KCNMB1: variants seen among roughly 807,000 people sequenced by gnomAD.
KCNMB1 encodes the protein potassium calcium-activated channel subfamily M regulatory beta subunit 1.
A neutral mutation model predicts 21.7 loss-of-function variants in KCNMB1; 22 were observed. The ratio of observed to expected loss-of-function variants is 1.01; its 90% CI spans 0.72 to 1.45. The LOEUF (loss-of-function observed/expected upper bound fraction) is 1.45, where lower values mean the gene tolerates loss of function less well. KCNMB1 is among the 40% of genes most tolerant of loss of function. The pLI, the probability that KCNMB1 is intolerant of heterozygous loss-of-function variation, is 0.00. For synonymous variants in KCNMB1, 114 were observed against 107.6 expected, an observed-to-expected ratio of 1.06 and a Z score of -0.37; for missense variants, 243 against 243.4, an observed-to-expected ratio of 1.00 and a Z score of 0.01.
rs547685021 is a variant in KCNMB1 at position 170,375,717 on chromosome 5, T to C, written c.*2987A>G. The C allele has an allele frequency of 6.6e-6, 1 of 152,316 alleles. No individual in the cohort carries two copies. The highest frequency in any genetic ancestry group is 1.5e-5 in the Non-Finnish European group (1 of 68,078). 9.4% of individuals were successfully genotyped at this position (152,316 alleles called of 1,614,324 possible). A position where few individuals can be genotyped will look rare whatever the true frequency, so the allele number is the denominator to read the frequency against. On this transcript the variant is annotated 3_prime_UTR_variant, in exon 4 of 4. Transcript: ENST00000274629. ...GAGTCCTAGCCCCTCACTTTACAGA[T>C]GGCCTTGGCCAGTTACCTCTTACAG...
At chr5:170,389,049 C>T (rs1012488467) in intron 1 of KCNMB1, among the ~76,000 whole-genome samples, 1 of 152,154 alleles carries the variant, frequency 6.6e-6, no homozygotes, top group South Asian at 2.1e-4. Flanking sequence ...AGGGCCAGGG[C>T]GCTTACTACC....
intron 3 of KCNMB1, chr5:170,382,936 GAAAC>G: frequency 7.3e-6 from 1 of 137,186 alleles, no homozygotes; most frequent in Non-Finnish European, 1.6e-5. Context: ...AGGAAAGAAG[GAAAC>G]AAGGAAGGAA....
intron 3 of KCNMB1, 62 bp from the exon 4 acceptor site, chr5:170,379,035 G>A: frequency 6.4e-7 from 1 of 1,560,120 alleles, no homozygotes; most frequent in Non-Finnish European, 8.7e-7. Context: ...CCAAGGGCTT[G>A]ATATGGAGTA....
intron 1 of KCNMB1, among the ~76,000 whole-genome samples, chr5:170,386,469 A>C (rs891347074): frequency 4.6e-5 from 7 of 152,144 alleles, no homozygotes; most frequent in African/African-American, 1.4e-4. Context: ...TTGCTACAAC[A>C]GTCATAGGTC....
intron 2 of KCNMB1, 21 bp downstream of exon 2, chr5:170,385,293 C>T: frequency 6.2e-7 from 1 of 1,613,636 alleles, no homozygotes; most frequent in Middle Eastern, 1.7e-4. Context: ...GGGGGGTGGG[C>T]AGGCCGGGAG....
rs558443995 is a variant in KCNMB1 at position 170,378,382 on chromosome 5, C to T, written c.*322G>A. ...AGGGAGAACTCAGGCACAGAGGTGACGATCATCGTTCTCTGTGGGGCACAT... is the reference window on the plus strand; with the variant it reads ...AGGGAGAACTCAGGCACAGAGGTGATGATCATCGTTCTCTGTGGGGCACAT... On this transcript the variant is annotated 3_prime_UTR_variant, in exon 4 of 4. Coordinates refer to ENST00000274629, the MANE Select transcript of KCNMB1 (RefSeq NM_004137.4). The T allele has an allele frequency of 2.1e-4, 54 of 258,462 alleles. No individual in the cohort carries two copies. Among genetic ancestry groups the T allele is most frequent in the African/African-American group, 1.1e-3 (51 of 45,014 alleles). 16.0% of individuals were successfully genotyped at this position (258,462 alleles called of 1,614,324 possible).
chr5:170,389,251 G>T lies in KCNMB1; in HGVS notation c.-25+8C>A, dbSNP rs1226758921. 6.6e-6 allele frequency: 1 copy of T among 152,222 alleles called. No individual in the cohort carries two copies. Among genetic ancestry groups the T allele is most frequent in the African/African-American group, 2.4e-5 (1 of 41,418 alleles). The allele number at this position is 152,222 out of a possible 1,614,324, so 9.4% of individuals were successfully genotyped here. ...CACTTCCCAAGTGCTTTCAGGCCCG[G>T]TACTCACAGTCTTCCCGGCGTCCTG... is the stretch of plus-strand genomic sequence containing the variant. On this transcript the variant is annotated splice_region_variant and intron_variant, in intron 1 of 3. Transcript: ENST00000274629.
At chr5:170,381,387 G>A (rs980853840) in intron 3 of KCNMB1, among the ~76,000 whole-genome samples, 2 of 152,262 alleles carry the variant, frequency 1.3e-5, no homozygotes, top group Non-Finnish European at 2.9e-5. Flanking sequence ...CACAGGAAAA[G>A]CTGAGGGCAG....
rs368056366 is a variant in KCNMB1 at position 170,383,688 on chromosome 5, C to T, written c.297G>A (p.Gln99=). The change falls in exon 3 of 4, where the codon CAG becomes CAA. Residue 99 remains glutamine, a synonymous_variant. Transcript: ENST00000274629. ...VLYHTEDTRD[Q]NQQCSYIPGS... ...CCCTCCAGTTCAGTACCTGCTGGTT[C>T]TGGTCCCGAGTGTCCTCCGTGTGGT... 2.5e-6 allele frequency: 4 copies of T among 1,614,192 alleles called. No individual in the cohort carries two copies. Among genetic ancestry groups the T allele is most frequent in the East Asian group, 4.5e-5 (2 of 44,878 alleles).
At chr5:170,382,439 G>A (rs1764279310) in intron 3 of KCNMB1, among the ~76,000 whole-genome samples, 1 of 152,076 alleles carries the variant, frequency 6.6e-6, no homozygotes, top group African/African-American at 2.4e-5. Flanking sequence ...AAAGGCCTCT[G>A]GGAACAGACC....
intron 3 of KCNMB1, among the ~76,000 whole-genome samples, chr5:170,380,263 C>A (rs1764186364): frequency 6.6e-6 from 1 of 152,242 alleles, no homozygotes; most frequent in Non-Finnish European, 1.5e-5. Context: ...GTGGTGCCCC[C>A]ATCTGCAGCA....
At chr5:170,385,693 TAAAGTGA>T (rs1554088416) in intron 1 of KCNMB1, among the ~76,000 whole-genome samples, 1 of 151,928 alleles carries the variant, frequency 6.6e-6, no homozygotes, top group South Asian at 2.1e-4. Context: ...CTCAGAGAGG[TAAAGTGA>T]CTTGCCCTAG....
chr5:170,386,489 G>C (rs1485233543), intron 1 of KCNMB1, among the ~76,000 whole-genome samples: 1 of 152,176 alleles, frequency 6.6e-6, no homozygotes, highest in Admixed American at 6.5e-5. Context: ...CCCATGCGGT[G>C]AGCGAGCAGT....
In KCNMB1 at chr5:170,385,413, C is replaced by T; in HGVS notation, c.35G>A (p.Gly12Glu). Residue 12 changes from glycine (G) to glutamate (E), a missense_variant, in exon 2 of 4, where the codon GGA (glycine) becomes GAA (glutamate). Transcript: ENST00000274629. ...ACCCAGGCAAAGGGCTCGTGTCTCT[C>T]CCCGCTTCTGGGCCATCACCAGCTT... ...VKKLVMAQKR[G>E]ETRALCLGVT... 6.2e-7 allele frequency: 1 copy of T among 1,614,090 alleles called. No individual in the cohort carries two copies. Among genetic ancestry groups the T allele is most frequent in the Non-Finnish European group, 8.5e-7 (1 of 1,180,014 alleles).
In KCNMB1 at chr5:170,383,695, C is replaced by T. The variant is rs150439459; in HGVS notation, c.290G>A (p.Arg97Gln). The change falls in exon 3 of 4, where the codon CGG becomes CAG. Residue 97 changes from arginine to glutamine, a missense_variant. Arg to Gln is a conservative substitution (Grantham distance 43). Coordinates refer to ENST00000274629, the MANE Select transcript of KCNMB1 (RefSeq NM_004137.4). ...GTTCAGTACCTGCTGGTTCTGGTCC[C>T]GAGTGTCCTCCGTGTGGTACAGCAC... ...WAVLYHTEDTRDQNQQCSYIP... is the reference protein window; with the variant it reads ...WAVLYHTEDTQDQNQQCSYIP... 4.0e-4 allele frequency: 642 copies of T among 1,613,988 alleles called. No individual in the cohort carries two copies. Among genetic ancestry groups the T allele is most frequent in the Non-Finnish European group, 5.2e-4 (618 of 1,180,018 alleles).
intron 1 of KCNMB1, among the ~76,000 whole-genome samples, chr5:170,388,425 G>A (rs1425588926): frequency 6.6e-6 from 1 of 152,200 alleles, no homozygotes; most frequent in Non-Finnish European, 1.5e-5. Flanking sequence ...GTGGGTTTCA[G>A]CTATCATAGG....
At chr5:170,380,826 G>A (rs1372376436) in intron 3 of KCNMB1, among the ~76,000 whole-genome samples, 1 of 152,164 alleles carries the variant, frequency 6.6e-6, no homozygotes, top group Admixed American at 6.6e-5. Flanking sequence ...GTTCTGAGCT[G>A]TGTGACCTTG....
At position 170,376,265 on chromosome 5, in the gene KCNMB1, A is replaced by T. The variant is rs1373999849; in HGVS notation, c.*2439T>A. 1 of 139,456 alleles carries T rather than the reference A, an allele frequency of 7.2e-6. No individual in the cohort carries two copies. Among genetic ancestry groups the T allele is most frequent in the Admixed American group, 8.2e-5 (1 of 12,222 alleles). 8.6% of individuals were successfully genotyped at this position (139,456 alleles called of 1,614,324 possible). On this transcript the variant is annotated 3_prime_UTR_variant, in exon 4 of 4. Coordinates refer to ENST00000274629, the MANE Select transcript of KCNMB1 (RefSeq NM_004137.4). ...AAGCTCCGCCTCCCGGGTTCACGCC[A>T]TTCTTCTGCCTCAGCCTCCTGAGCA...
intron 1 of KCNMB1, among the ~76,000 whole-genome samples, chr5:170,387,586 T>C (rs1397761976): frequency 6.6e-6 from 1 of 152,160 alleles, no homozygotes; most frequent in African/African-American, 2.4e-5. Flanking sequence ...GGAGGTGAGT[T>C]TCTCCTGCAT....
Sources: gnomAD v4.1 joint callset for allele counts (sites outside exome capture counted in the v4.1 genomes callset) on GRCh38, gnomAD v4.1.1 for gene constraint, MANE v1.5 for transcripts, NCBI Gene and HGNC (gene_info 2026-07-23, HGNC 2026-07-21) for gene names.